The following PICALM variants were observed in gnomAD, a reference collection of about 807,000 sequenced individuals.
The protein encoded by PICALM is phosphatidylinositol-binding clathrin assembly protein.
Under a neutral mutation model 80.5 loss-of-function variants are expected in PICALM, and 40 were observed. The observed-to-expected ratio is 0.50, with a 90% confidence interval of 0.39 to 0.65. The LOEUF is 0.65. Among genes scored for constraint, PICALM ranks in the 30% least tolerant of loss-of-function variants. PICALM has a pLI of 0.00. For missense variants in PICALM, 676 were observed against 778.9 expected (o/e 0.87, Z 1.57); for synonymous variants, 288 against 260.3 (o/e 1.11, Z -1.02).
chr11:85,994,949 C>A (rs1028712728), intron 12 of PICALM, among the ~76,000 whole-genome samples: 6 of 152,154 alleles, frequency 3.9e-5, no homozygotes, highest in Admixed American at 6.5e-5. Flanking sequence ...TGTGATCTGC[C>A]CACCTTGGCT....
At chr11:86,069,175 T>G, upstream of PICALM, 3 of 200,826 alleles carry the variant, frequency 1.5e-5, no homozygotes, top group Non-Finnish European at 2.1e-5. Context: ...CCCTTTCCCC[T>G]TCCCTTTCCT....
intron 17 of PICALM, chr11:85,978,859 T>G (rs2094356593): frequency 6.6e-6 from 1 of 152,150 alleles, no homozygotes; most frequent in Non-Finnish European, 1.5e-5. Context: ...TAAGAAAATA[T>G]TCATTATATT....
At chr11:86,021,359 G>A in intron 4 of PICALM, among the ~76,000 whole-genome samples, 1 of 151,990 alleles carries the variant, frequency 6.6e-6, no homozygotes. Flanking sequence ...CAAAGGGTTT[G>A]AAGAGGCATT....
chr11:86,048,688 C>T (rs1007035432), intron 1 of PICALM, among the ~76,000 whole-genome samples: 14 of 151,740 alleles, frequency 9.2e-5, no homozygotes, highest in African/African-American at 3.1e-4. Flanking sequence ...AAAAATTAGC[C>T]GGGCGTGGTG....
chr11:86,045,792 A>AG (rs1338744100), intron 1 of PICALM, among the ~76,000 whole-genome samples: 1 of 152,176 alleles, frequency 6.6e-6, no homozygotes, highest in African/African-American at 2.4e-5. Context: ...ATACATTTTA[A>AG]GTGGTCTAGA....
At chr11:86,061,910 T>C (rs1405197382) in intron 1 of PICALM, among the ~76,000 whole-genome samples, 3 of 150,218 alleles carry the variant, frequency 2.0e-5, no homozygotes, top group African/African-American at 4.9e-5. Context: ...ATCCAGATAA[T>C]AGAATAGTCA....
intron 18 of PICALM, among the ~76,000 whole-genome samples, chr11:85,975,589 A>G (rs1333101312): frequency 3.2e-5 from 4 of 126,794 alleles, no homozygotes; most frequent in African/African-American, 8.7e-5. Flanking sequence ...GTTTCTCAGC[A>G]GACTTTTTTT....
intron 1 of PICALM, among the ~76,000 whole-genome samples, chr11:86,056,223 T>G (rs926642167): frequency 7.2e-5 from 10 of 138,174 alleles, no homozygotes; most frequent in Non-Finnish European, 1.4e-4. Flanking sequence ...ATCAAGAAAG[T>G]GACAAGCCAA....
chr11:86,056,248 A>G (rs554730906), intron 1 of PICALM, among the ~76,000 whole-genome samples: 2 of 150,044 alleles, frequency 1.3e-5, no homozygotes, highest in African/African-American at 2.5e-5. Flanking sequence ...CAGAATGGGG[A>G]AAAAAATTAC....
In PICALM at chr11:86,026,398, T is replaced by C. The variant is rs765005020; in HGVS notation, c.274-31A>G. On this transcript the variant is annotated intron_variant, in intron 2 of 19. Coordinates refer to ENST00000393346, the MANE Select transcript of PICALM (RefSeq NM_007166.4). Reference sequence around the variant, plus strand: ...AAAAAAAAATTACATCATATTAAGGTACTGCCATCTCACCAACTCTAATTC... The same window carrying C: ...AAAAAAAAATTACATCATATTAAGGCACTGCCATCTCACCAACTCTAATTC... The C allele has an allele frequency of 3.1e-6, 4 of 1,310,976 alleles. No individual in the cohort carries two copies. The East Asian group carries it at 6.9e-5, about 23-fold the overall frequency. The allele number at this position is 1,310,976 out of a possible 1,614,324, so 81.2% of individuals were successfully genotyped here.
At chr11:86,054,197 G>A (rs2096235592) in intron 1 of PICALM, among the ~76,000 whole-genome samples, 1 of 152,158 alleles carries the variant, frequency 6.6e-6, no homozygotes, top group Non-Finnish European at 1.5e-5. Context: ...ATTTTGGGTG[G>A]CAAGGTATAT....
intron 3 of PICALM, among the ~76,000 whole-genome samples, chr11:86,026,024 A>T (rs947761188): frequency 2.6e-5 from 4 of 152,222 alleles, no homozygotes; most frequent in Non-Finnish European, 5.9e-5. Flanking sequence ...GGTAGGCAGC[A>T]AAGATGAGAT....
Position 86,068,553 on chromosome 11 carries a change from A to G in PICALM, c.130+98T>C, listed in dbSNP as rs957623397. The G allele has an allele frequency of 6.9e-6, 8 of 1,152,358 alleles. No individual in the cohort carries two copies. In the African/African-American group the frequency reaches 9.4e-5, roughly 14 times the overall value. The allele number at this position is 1,152,358 out of a possible 1,614,324, so 71.4% of individuals were successfully genotyped here. On this transcript the variant is annotated intron_variant, in intron 1 of 19. Transcript: ENST00000393346. ...CGTGCCAGAGAAGACGCAGGGAGGG[A>G]AGAGGCAGTAGAAGGGTGAAAGACA...
intron 1 of PICALM, among the ~76,000 whole-genome samples, chr11:86,058,567 C>T (rs556626466): frequency 9.7e-4 from 148 of 152,278 alleles, no homozygotes; most frequent in African/African-American, 3.5e-3. Flanking sequence ...TCAGCAATTC[C>T]CACTGGCCCC....
Position 86,041,134 on chromosome 11 carries a change from G to A in PICALM, c.131-9523C>T, listed in dbSNP as rs1201149257. ...TCATATATCAGTCTCTCCTATGAGA[G>A]AGCTCACTAAAGGCAGTCCATGACT... On this transcript the variant is annotated intron_variant, in intron 1 of 19. Coordinates refer to ENST00000393346, the MANE Select transcript of PICALM (RefSeq NM_007166.4). Among the ~76,000 whole-genome samples, 3 of 152,276 alleles carry A rather than the reference G, an allele frequency of 2.0e-5. No homozygotes were observed. The East Asian group carries it at 5.8e-4, about 29-fold the overall frequency.
intron 1 of PICALM, among the ~76,000 whole-genome samples, chr11:86,047,902 C>T (rs2096103876): frequency 6.6e-6 from 1 of 151,990 alleles, no homozygotes; most frequent in African/African-American, 2.4e-5. Context: ...GAGTTTGAGA[C>T]CAGCCTGGCC....
At chr11:86,014,800 A>G (rs888009515) in intron 5 of PICALM, 70 bp downstream of exon 5, 1 of 804,008 alleles carries the variant, frequency 1.2e-6, no homozygotes, top group African/African-American at 1.8e-5. Flanking sequence ...TGAAAACTTG[A>G]GGTTAAAAAT....
At chr11:86,043,973 T>A (rs962150172) in intron 1 of PICALM, among the ~76,000 whole-genome samples, 1 of 152,130 alleles carries the variant, frequency 6.6e-6, no homozygotes, top group Admixed American at 6.5e-5. Flanking sequence ...ATCTTTATAT[T>A]CCACTTTCAT....
At chr11:86,048,593 G>C (rs1330433522) in intron 1 of PICALM, among the ~76,000 whole-genome samples, 5 of 152,056 alleles carry the variant, frequency 3.3e-5, no homozygotes, top group African/African-American at 9.6e-5. Flanking sequence ...CAGCACTTTG[G>C]GGGGCTGAGG....
Sources: gnomAD v4.1 joint callset for allele counts (sites outside exome capture counted in the v4.1 genomes callset) on GRCh38, gnomAD v4.1.1 for gene constraint, MANE v1.5 for transcripts, NCBI Gene and HGNC (gene_info 2026-07-23, HGNC 2026-07-21) for gene names.